Variants in CERS3 observed in about 807,000 individuals in gnomAD.
The protein encoded by CERS3 is LAG1 homolog, ceramide synthase 3.
Under a neutral mutation model 50.3 loss-of-function variants are expected in CERS3, and 33 were observed. The observed-to-expected ratio is 0.66, with a 90% confidence interval of 0.50 to 0.88. The LOEUF (loss-of-function observed/expected upper bound fraction) is 0.88, where lower values mean the gene tolerates loss of function less well. Ranked by LOEUF, CERS3 falls within the 40% of genes least tolerant of loss-of-function variation. The pLI is 0.00. For missense variants in CERS3, 470 were observed against 460.3 expected, an observed-to-expected ratio of 1.02 and a Z score of -0.19; for synonymous variants, 176 against 155.2, an observed-to-expected ratio of 1.13 and a Z score of -0.99.
chr15:100,421,143 G>A (rs2032395420), intron 11 of CERS3, among the ~76,000 whole-genome samples: 1 of 151,798 alleles, frequency 6.6e-6, no homozygotes, highest in Non-Finnish European at 1.5e-5. Flanking sequence ...AAGTCAAATT[G>A]ACCATGTTTG....
intron 11 of CERS3, among the ~76,000 whole-genome samples, chr15:100,444,478 G>C (rs2033847419): frequency 6.6e-6 from 1 of 152,136 alleles, no homozygotes; most frequent in African/African-American, 2.4e-5. Context: ...GATCACACTT[G>C]GTTTATGGAT....
At chr15:100,523,037 G>A (rs1358594991) in intron 1 of CERS3, among the ~76,000 whole-genome samples, 3 of 152,126 alleles carry the variant, frequency 2.0e-5, no homozygotes, top group Admixed American at 2.0e-4. Flanking sequence ...GGTGTGTAGT[G>A]GTACTTCATT....
intron 11 of CERS3, among the ~76,000 whole-genome samples, chr15:100,431,778 G>A (rs1308764542): frequency 6.6e-6 from 1 of 152,164 alleles, no homozygotes; most frequent in East Asian, 1.9e-4. Context: ...AGATTTAACT[G>A]GTCTGTGTTG....
upstream of CERS3, among the ~76,000 whole-genome samples, chr15:100,531,814 T>G (rs1170874610): frequency 6.6e-6 from 1 of 152,244 alleles, no homozygotes; most frequent in Admixed American, 6.5e-5. Context: ...TCCTCATTAA[T>G]AGATATTAAA....
chr15:100,426,553 C>A (rs2032823901), intron 11 of CERS3, among the ~76,000 whole-genome samples: 1 of 152,120 alleles, frequency 6.6e-6, no homozygotes, highest in South Asian at 2.1e-4. Context: ...TGGAATATAC[C>A]ATCTGTCTTC....
At chr15:100,544,356 C>CACGGGCCCTCTCTCGGCCTAGGT in intron 1 of CERS3, 1 of 135,542 alleles carries the variant, frequency 7.4e-6, no homozygotes, top group African/African-American at 3.1e-5. Flanking sequence ...TGGGCCTTGA[C>CACGGGCCCTCTCTCGGCCTAGGT]CTGCGCGGGG....
chr15:100,432,318 G>A (rs975608260), intron 11 of CERS3, among the ~76,000 whole-genome samples: 1 of 152,150 alleles, frequency 6.6e-6, no homozygotes, highest in Non-Finnish European at 1.5e-5. Flanking sequence ...TAAACAAAAG[G>A]CTGGAATGAT....
chr15:100,423,005 G>A (rs2032557676), intron 11 of CERS3, among the ~76,000 whole-genome samples: 1 of 151,114 alleles, frequency 6.6e-6, no homozygotes, highest in Non-Finnish European at 1.5e-5. Context: ...GTTAGTGGGT[G>A]CAGCACACCA....
chr15:100,451,982 GC>G (rs1330028423), intron 11 of CERS3, among the ~76,000 whole-genome samples: 18 of 152,084 alleles, frequency 1.2e-4, no homozygotes, highest in African/African-American at 4.3e-4. Context: ...GATATATAAA[GC>G]AAATATTACT....
intron 1 of CERS3, among the ~76,000 whole-genome samples, chr15:100,534,944 T>C (rs910660830): frequency 6.6e-6 from 1 of 152,064 alleles, no homozygotes; most frequent in Non-Finnish European, 1.5e-5. Flanking sequence ...CCCTCCCCAC[T>C]TCAAATTGTC....
intron 11 of CERS3, among the ~76,000 whole-genome samples, chr15:100,432,901 G>C (rs914668779): frequency 1.3e-5 from 2 of 152,150 alleles, no homozygotes; most frequent in African/African-American, 4.8e-5. Flanking sequence ...CTGAGATATT[G>C]TCAAGGTCAC....
intron 11 of CERS3, among the ~76,000 whole-genome samples, chr15:100,453,517 A>T (rs1178538396): frequency 6.6e-6 from 1 of 152,220 alleles, no homozygotes; most frequent in African/African-American, 2.4e-5. Context: ...AATGAAGGGC[A>T]TATATGACAG....
At chr15:100,407,798 T>C (rs2031168877) in intron 11 of CERS3, among the ~76,000 whole-genome samples, 1 of 152,204 alleles carries the variant, frequency 6.6e-6, no homozygotes, top group Non-Finnish European at 1.5e-5. Context: ...TAGAGATAAT[T>C]TAAAGTATAT....
chr15:100,445,517 C>A (rs1371485191), intron 11 of CERS3, among the ~76,000 whole-genome samples: 1 of 152,032 alleles, frequency 6.6e-6, no homozygotes, highest in Admixed American at 6.5e-5. Context: ...TCTCTTATTC[C>A]GTTTAGTTTT....
upstream of CERS3, among the ~76,000 whole-genome samples, chr15:100,530,153 G>A (rs1013685750): frequency 1.3e-5 from 2 of 152,208 alleles, no homozygotes; most frequent in Admixed American, 6.5e-5. Context: ...GCCACTAACC[G>A]AGGTAGGCTC....
intron 11 of CERS3, among the ~76,000 whole-genome samples, chr15:100,433,050 C>A (rs1440914100): frequency 6.6e-6 from 1 of 152,014 alleles, no homozygotes; most frequent in Non-Finnish European, 1.5e-5. Flanking sequence ...TCCTGGCTAA[C>A]ACGGTGAAAC....
intron 10 of CERS3, among the ~76,000 whole-genome samples, chr15:100,467,857 A>ACGT (rs2034827604): frequency 1.9e-5 from 1 of 51,380 alleles, no homozygotes; most frequent in Admixed American, 1.8e-4. Flanking sequence ...ATATATAGAT[A>ACGT]GATAGATAGA....
chr15:100,462,211 G>C (rs1432167448), intron 10 of CERS3, among the ~76,000 whole-genome samples: 1 of 152,180 alleles, frequency 6.6e-6, no homozygotes, highest in Non-Finnish European at 1.5e-5. Flanking sequence ...CTTTCCAAAT[G>C]GATAAGCTAC....
chr15:100,519,936 G>C (rs1220677453), intron 2 of CERS3, among the ~76,000 whole-genome samples: 3 of 152,272 alleles, frequency 2.0e-5, no homozygotes, highest in Admixed American at 1.3e-4. Flanking sequence ...ATTTAAAAGA[G>C]CCCCCTTTGG....
Sources: gnomAD v4.1 joint callset for allele counts (sites outside exome capture counted in the v4.1 genomes callset) on GRCh38, gnomAD v4.1.1 for gene constraint, MANE v1.5 for transcripts, NCBI Gene and HGNC (gene_info 2026-07-23, HGNC 2026-07-21) for gene names.